Variants in SLC4A4 observed in about 807,000 individuals in gnomAD.
The protein encoded by SLC4A4 is electrogenic sodium bicarbonate cotransporter 1.
Under a neutral mutation model 111.5 loss-of-function variants are expected in SLC4A4, and 27 were observed. That is an observed-to-expected ratio of 0.24 (90% CI 0.18 to 0.33). The LOEUF is 0.33. Ranked by LOEUF, SLC4A4 falls within the 10% of genes least tolerant of loss-of-function variation. SLC4A4 has a pLI of 1.00. For synonymous variants in SLC4A4, 443 were observed against 463.4 expected (o/e 0.96, Z 0.57); for missense variants, 909 against 1,315.5 (o/e 0.69, Z 4.78).
chr4:71,434,582 G>A (rs1432787867), intron 7 of SLC4A4: 3 of 152,130 alleles, frequency 2.0e-5, no homozygotes, highest in African/African-American at 7.2e-5. Context: ...CAATTATGAT[G>A]GAAACTGGAT....
intron 5 of SLC4A4, among the ~76,000 whole-genome samples, chr4:71,353,817 C>T (rs1730055365): frequency 6.6e-6 from 1 of 152,134 alleles, no homozygotes; most frequent in Non-Finnish European, 1.5e-5. Context: ...CTTTGCAGTC[C>T]ACCTGCTACC....
chr4:71,366,748 A>G (rs1468336000), intron 6 of SLC4A4, among the ~76,000 whole-genome samples: 4 of 152,240 alleles, frequency 2.6e-5, no homozygotes, highest in African/African-American at 9.6e-5. Context: ...GTTCTGCTCT[A>G]GCTTTGGGAA....
At chr4:71,163,605 GA>G (rs1302545548) in intron 2 of SLC4A4, among the ~76,000 whole-genome samples, 3 of 152,208 alleles carry the variant, frequency 2.0e-5, no homozygotes, top group Non-Finnish European at 4.4e-5. Context: ...TTACTAAGAA[GA>G]CCTAAAAGAT....
At chr4:71,489,206 G>T (rs1325587532) in intron 15 of SLC4A4, among the ~76,000 whole-genome samples, 3 of 151,662 alleles carry the variant, frequency 2.0e-5, no homozygotes, top group Non-Finnish European at 2.9e-5. Context: ...ACTTAGAAAA[G>T]TTAACTGACC....
At chr4:71,451,339 C>G in intron 11 of SLC4A4, 38 bp downstream of exon 11, 1 of 1,266,960 alleles carries the variant, frequency 7.9e-7, no homozygotes, top group Non-Finnish European at 1.2e-6. Context: ...TGATGAGGTT[C>G]TCCTTAAATG....
chr4:71,457,963 A>G (rs1726444721), intron 12 of SLC4A4, among the ~76,000 whole-genome samples: 2 of 152,092 alleles, frequency 1.3e-5, no homozygotes, highest in South Asian at 2.1e-4. Flanking sequence ...ACGTTATACT[A>G]TATTTTAAAT....
intron 3 of SLC4A4, among the ~76,000 whole-genome samples, chr4:71,261,687 A>G (rs1721864029): frequency 6.6e-6 from 1 of 152,220 alleles, no homozygotes; most frequent in South Asian, 2.1e-4. Flanking sequence ...GCTCTCTTGA[A>G]GTCACCTTGA....
intron 2 of SLC4A4, among the ~76,000 whole-genome samples, chr4:71,245,118 G>A (rs1476676467): frequency 5.3e-5 from 8 of 152,116 alleles, no homozygotes; most frequent in African/African-American, 1.9e-4. Flanking sequence ...AGGTCCAGAG[G>A]TGAGAAAGAG....
chr4:71,296,387 A>T (rs532659208), intron 3 of SLC4A4, among the ~76,000 whole-genome samples: 1 of 152,368 alleles, frequency 6.6e-6, no homozygotes, highest in Non-Finnish European at 1.5e-5. Flanking sequence ...TGTCTCATGT[A>T]TAATGATCAA....
chr4:71,248,832 C>T (rs1578673076), intron 2 of SLC4A4, among the ~76,000 whole-genome samples: 1 of 152,242 alleles, frequency 6.6e-6, no homozygotes, highest in Middle Eastern at 3.4e-3. Context: ...GGCGCCTCAC[C>T]TTCATCTAAG....
intron 6 of SLC4A4, among the ~76,000 whole-genome samples, chr4:71,360,198 A>T (rs1730646279): frequency 6.6e-6 from 1 of 152,138 alleles, no homozygotes; most frequent in Non-Finnish European, 1.5e-5. Flanking sequence ...CTGTGTCTGT[A>T]TGGTGGTAGA....
At chr4:71,488,711 A>G (rs147044067) in intron 15 of SLC4A4, among the ~76,000 whole-genome samples, 6 of 151,900 alleles carry the variant, frequency 3.9e-5, no homozygotes, top group Non-Finnish European at 5.9e-5. Flanking sequence ...GACTGGTGCC[A>G]TTCCTCGTAT....
chr4:71,512,378 C>T (rs1218764809), intron 16 of SLC4A4, among the ~76,000 whole-genome samples: 2 of 152,054 alleles, frequency 1.3e-5, no homozygotes, highest in Non-Finnish European at 2.9e-5. Flanking sequence ...TTTTGATTTG[C>T]ATTTCTCTGA....
At chr4:71,120,639 G>A (rs564585931) in intron 2 of SLC4A4, among the ~76,000 whole-genome samples, 79 of 152,344 alleles carry the variant, frequency 5.2e-4, no homozygotes, top group African/African-American at 1.9e-3. Context: ...AGGCCGAGGT[G>A]GGAGGATCTC....
intron 2 of SLC4A4, among the ~76,000 whole-genome samples, chr4:71,137,909 A>C (rs1743889947): frequency 6.6e-6 from 1 of 152,218 alleles, no homozygotes; most frequent in Non-Finnish European, 1.5e-5. Context: ...CCAATACTGT[A>C]CTTTGGTTGA....
chr4:71,160,994 T>C (rs114656710), intron 2 of SLC4A4, among the ~76,000 whole-genome samples: 2,684 of 152,272 alleles, frequency 0.018, 79 homozygotes, highest in African/African-American at 0.06. Flanking sequence ...ATGAAAAACA[T>C]TGCAAATAAA....
chr4:71,389,895 A>G (rs1377605204), intron 6 of SLC4A4, among the ~76,000 whole-genome samples: 1 of 152,206 alleles, frequency 6.6e-6, no homozygotes, highest in East Asian at 1.9e-4. Flanking sequence ...CTTTAAAAAT[A>G]TTTTAAACAA....
At chr4:71,421,874 A>G (rs1424271179) in intron 7 of SLC4A4, among the ~76,000 whole-genome samples, 1 of 152,054 alleles carries the variant, frequency 6.6e-6, no homozygotes, top group African/African-American at 2.4e-5. Context: ...AATGCCCACA[A>G]GAGAAAGCAG....
At chr4:71,153,553 G>A (rs1744372925) in intron 2 of SLC4A4, among the ~76,000 whole-genome samples, 1 of 152,100 alleles carries the variant, frequency 6.6e-6, no homozygotes. Flanking sequence ...TCCTTCATCA[G>A]TAAAATGAAG....
Sources: allele counts gnomAD v4.1 joint callset (sites outside exome capture counted in the v4.1 genomes callset), GRCh38; gene constraint gnomAD v4.1.1; transcripts MANE v1.5; gene names NCBI Gene and HGNC (gene_info 2026-07-23, HGNC 2026-07-21).